The following AKAP6 variants were observed in gnomAD, a reference collection of about 807,000 sequenced individuals.
AKAP6 encodes the protein A-kinase anchoring protein 6.
In AKAP6, 58 loss-of-function variants were observed where a neutral mutation model predicts 188.5. The observed-to-expected ratio is 0.31, with a 90% CI of 0.25 to 0.38. AKAP6 has a LOEUF of 0.38. AKAP6 is among the 10% of genes least tolerant of loss of function. The pLI is 1.00. For missense variants in AKAP6, 2,710 were observed against 2,740.0 expected (o/e 0.99, Z 0.24); for synonymous variants, 989 against 998.6 (o/e 0.99, Z 0.18).
intron 12 of AKAP6, among the ~76,000 whole-genome samples, chr14:32,790,971 G>T (rs1243781855): frequency 6.6e-6 from 1 of 152,124 alleles, no homozygotes; most frequent in Non-Finnish European, 1.5e-5. Flanking sequence ...TGGCTGCATA[G>T]TATTCCATGG....
rs1890298831 is a variant in AKAP6 at position 32,433,885 on chromosome 14, T to C, written c.324+68T>C. On this transcript the variant is annotated intron_variant, in intron 2 of 13. Transcript: ENST00000280979. ...AAGGCTGTGGCACCTAGAGACTGTGTTCTGTAATTTCCAGTGAGGAATTGT... is the reference window on the plus strand; with the variant it reads ...AAGGCTGTGGCACCTAGAGACTGTGCTCTGTAATTTCCAGTGAGGAATTGT... 2.8e-6 allele frequency: 4 copies of C among 1,441,202 alleles called. No homozygotes were observed. The South Asian group carries it at 5.2e-5, about 19-fold the overall frequency. 89.3% of individuals were successfully genotyped at this position (1,441,202 alleles called of 1,614,324 possible). A position where few individuals can be genotyped will look rare whatever the true frequency, so the allele number is the denominator to read the frequency against.
rs1377062054 is a variant in AKAP6, at chr14:32,352,107, G to T, written c.-35+22699G>T. ...TGTGTGTGTGTGTGTGTGTGTTTGT[G>T]TGTGTGTGTGTGTGTGTGTGTGTGT... On this transcript the variant is annotated intron_variant, in intron 1 of 13. Coordinates refer to ENST00000280979, the MANE Select transcript of AKAP6 (RefSeq NM_004274.5). Among the ~76,000 whole-genome samples, 259 of 117,394 alleles carry T rather than the reference G, an allele frequency of 2.2e-3. 2 individuals are homozygous for T. The Middle Eastern group carries it at 0.026, about 12-fold the overall frequency. 77.0% of individuals were successfully genotyped at this position (117,394 alleles called of 152,430 possible).
intron 12 of AKAP6, among the ~76,000 whole-genome samples, chr14:32,774,970 G>A (rs1450653861): frequency 6.6e-6 from 1 of 152,146 alleles, no homozygotes; most frequent in Non-Finnish European, 1.5e-5. Flanking sequence ...CAATGAATCA[G>A]CAAGCCATCT....
intron 1 of AKAP6, among the ~76,000 whole-genome samples, chr14:32,416,862 G>A (rs1438222425): frequency 1.3e-5 from 2 of 151,436 alleles, no homozygotes; most frequent in Non-Finnish European, 2.9e-5. Flanking sequence ...TTTTAAGACA[G>A]AGTCTTGCTG....
chr14:32,567,295 C>T (rs954575916), intron 4 of AKAP6, among the ~76,000 whole-genome samples: 5 of 152,304 alleles, frequency 3.3e-5, no homozygotes, highest in Middle Eastern at 3.4e-3. Context: ...ATTCTAAGAG[C>T]CTTTTGAAAA....
At chr14:32,548,805 A>G (rs1594734207) in intron 4 of AKAP6, among the ~76,000 whole-genome samples, 2 of 152,314 alleles carry the variant, frequency 1.3e-5, no homozygotes. Flanking sequence ...TCGCCGGGAA[A>G]CTATAAGATA....
At position 32,459,683 on chromosome 14, in the gene AKAP6, C is replaced by T. The variant is rs913803933; in HGVS notation, c.324+25866C>T. Among the ~76,000 whole-genome samples, 4 of 145,868 alleles carry T rather than the reference C, an allele frequency of 2.7e-5. No individual in the cohort carries two copies. In the East Asian group the frequency reaches 5.9e-4, roughly 22 times the overall value. ...AAATTCAGTGGTCATCCAGTCTTAA[C>T]AGCCAAGTCATTAATAAGAAAAAAG... On this transcript the variant is annotated intron_variant, in intron 2 of 13. Coordinates refer to ENST00000280979, the MANE Select transcript of AKAP6 (RefSeq NM_004274.5).
At chr14:32,788,122 A>G (rs1326453237) in intron 12 of AKAP6, among the ~76,000 whole-genome samples, 1 of 152,100 alleles carries the variant, frequency 6.6e-6, no homozygotes, top group East Asian at 1.9e-4. Flanking sequence ...TATTAAATAT[A>G]AGAATATAAG....
intron 11 of AKAP6, among the ~76,000 whole-genome samples, chr14:32,755,541 T>A (rs2032299210): frequency 6.6e-6 from 1 of 151,572 alleles, no homozygotes; most frequent in Non-Finnish European, 1.5e-5. Context: ...TTATTATTAA[T>A]TTTTGAGACA....
intron 12 of AKAP6, among the ~76,000 whole-genome samples, chr14:32,813,392 C>CG (rs560248134): frequency 5.4e-5 from 6 of 111,338 alleles, no homozygotes; most frequent in South Asian, 8.5e-4. Context: ...TAACCCTACC[C>CG]CCCCCCCCAA....
intron 12 of AKAP6, among the ~76,000 whole-genome samples, chr14:32,790,964 C>T (rs576908667): frequency 7.2e-5 from 11 of 152,238 alleles, no homozygotes; most frequent in Middle Eastern, 3.4e-3. Context: ...TTTTTTATGG[C>T]TGCATAGTAT....
intron 4 of AKAP6, among the ~76,000 whole-genome samples, chr14:32,556,356 T>A (rs1440593683): frequency 1.3e-5 from 2 of 152,198 alleles, no homozygotes; most frequent in Non-Finnish European, 2.9e-5. Flanking sequence ...TTTGTTTTTT[T>A]AATTGAGACA....
At chr14:32,588,268 T>C (rs1201803555) in intron 5 of AKAP6, among the ~76,000 whole-genome samples, 1 of 152,234 alleles carries the variant, frequency 6.6e-6, no homozygotes, top group Non-Finnish European at 1.5e-5. Context: ...GAAGATCTAT[T>C]GCACATTTTA....
At chr14:32,533,673 C>T (rs1882535521) in intron 2 of AKAP6, among the ~76,000 whole-genome samples, 1 of 152,044 alleles carries the variant, frequency 6.6e-6, no homozygotes, top group South Asian at 2.1e-4. Flanking sequence ...AAGATACAGG[C>T]ATTTATTTTG....
Position 32,462,276 on chromosome 14 carries a change from C to T in AKAP6, c.324+28459C>T, listed in dbSNP as rs185802436. Among the ~76,000 whole-genome samples the T allele has an allele frequency of 2.2e-4, 33 of 152,106 alleles. No homozygotes were observed. In the East Asian group the frequency reaches 4.3e-3, roughly 20 times the overall value. ...GAAGAGCAACCCCAAGACACATAAT[C>T]GTCAGATTTTCCAAGGTTGTAATGA... On this transcript the variant is annotated intron_variant, in intron 2 of 13. Coordinates refer to ENST00000280979, the MANE Select transcript of AKAP6 (RefSeq NM_004274.5).
intron 2 of AKAP6, among the ~76,000 whole-genome samples, chr14:32,436,517 T>C (rs1345584363): frequency 6.6e-6 from 1 of 152,216 alleles, no homozygotes; most frequent in African/African-American, 2.4e-5. Flanking sequence ...CCAACACTAC[T>C]GCTGCCATCC....
intron 11 of AKAP6, among the ~76,000 whole-genome samples, chr14:32,745,208 A>G (rs747462460): frequency 4.6e-5 from 7 of 152,076 alleles, no homozygotes; most frequent in Middle Eastern, 3.4e-3. Flanking sequence ...ATTTATTGTA[A>G]TCTTTACTGT....
intron 4 of AKAP6, among the ~76,000 whole-genome samples, chr14:32,559,971 G>A (rs1379929846): frequency 1.3e-5 from 2 of 151,902 alleles, no homozygotes; most frequent in African/African-American, 2.4e-5. Flanking sequence ...ATATTATAAA[G>A]GGCAAATTGA....
intron 12 of AKAP6, among the ~76,000 whole-genome samples, chr14:32,780,237 A>G (rs2033205799): frequency 6.6e-6 from 1 of 151,046 alleles, no homozygotes; most frequent in Admixed American, 6.6e-5. Flanking sequence ...AGATCCTGCT[A>G]TTGGTGAAAA....
Sources: allele counts gnomAD v4.1 joint callset (sites outside exome capture counted in the v4.1 genomes callset), GRCh38; gene constraint gnomAD v4.1.1; transcripts MANE v1.5; gene names NCBI Gene and HGNC (gene_info 2026-07-23, HGNC 2026-07-21).